The following TTC27 variants were observed in gnomAD, a reference collection of about 807,000 sequenced individuals.
TTC27 encodes the protein tetratricopeptide repeat protein 27.
Under a neutral mutation model 115.9 loss-of-function variants are expected in TTC27, and 79 were observed. The observed-to-expected ratio is 0.68, with a 90% confidence interval of 0.57 to 0.82. The LOEUF is 0.82. TTC27 is among the 40% of genes least tolerant of loss of function. TTC27 has a pLI of 0.00. For synonymous variants in TTC27, 401 were observed against 356.0 expected (o/e 1.13, Z -1.42); for missense variants, 1,054 against 993.1 (o/e 1.06, Z -0.82).
chr2:32,726,403 A>G (rs1668110759), intron 10 of TTC27, among the ~76,000 whole-genome samples: 2 of 152,176 alleles, frequency 1.3e-5, no homozygotes, highest in South Asian at 2.1e-4. Context: ...ACCCTAAATC[A>G]TCTCTCTCAA....
chr2:32,730,610 A>G (rs1407283771), intron 10 of TTC27, among the ~76,000 whole-genome samples: 1 of 147,402 alleles, frequency 6.8e-6, no homozygotes, highest in East Asian at 2.0e-4. Flanking sequence ...TACACCTATC[A>G]AGACTTTCTT....
intron 17 of TTC27, among the ~76,000 whole-genome samples, chr2:32,812,038 C>G (rs767179415): frequency 7.2e-5 from 11 of 152,144 alleles, no homozygotes; most frequent in Non-Finnish European, 1.5e-4. Context: ...TATGGACTTT[C>G]TTGCATATAT....
intron 16 of TTC27, among the ~76,000 whole-genome samples, chr2:32,790,637 A>G (rs1414678963): frequency 4.6e-5 from 7 of 152,264 alleles, no homozygotes; most frequent in African/African-American, 1.4e-4. Context: ...TGTAGTCACT[A>G]TGCTGTGCAG....
At chr2:32,727,857 T>C (rs1668160891) in intron 10 of TTC27, among the ~76,000 whole-genome samples, 1 of 152,086 alleles carries the variant, frequency 6.6e-6, no homozygotes, top group African/African-American at 2.4e-5. Context: ...CTGTTTTTAT[T>C]TCTAATATGA....
intron 3 of TTC27, among the ~76,000 whole-genome samples, chr2:32,639,969 A>G (rs1272683484): frequency 6.6e-6 from 1 of 152,192 alleles, no homozygotes; most frequent in African/African-American, 2.4e-5. Context: ...ACTGCACTCC[A>G]GCCTGGGCAA....
chr2:32,770,707 CTCTGACATTTTAATCA>C (rs1433102627), intron 13 of TTC27, among the ~76,000 whole-genome samples: 1 of 152,168 alleles, frequency 6.6e-6, no homozygotes, highest in East Asian at 1.9e-4. Context: ...TGATACAGTA[CTCTGACATTTTAATCA>C]TCTTAGCGGT....
At chr2:32,716,982 C>T (rs566068316) in intron 10 of TTC27, among the ~76,000 whole-genome samples, 1 of 149,642 alleles carries the variant, frequency 6.7e-6, no homozygotes, top group African/African-American at 2.5e-5. Flanking sequence ...GTGTGAGCCA[C>T]TACACCTGGC....
intron 12 of TTC27, among the ~76,000 whole-genome samples, chr2:32,742,985 C>G (rs1274507538): frequency 6.6e-6 from 1 of 152,130 alleles, no homozygotes; most frequent in Non-Finnish European, 1.5e-5. Context: ...CCTGCTTTTT[C>G]TCCATTCTCT....
At chr2:32,640,468 C>G (rs1664601127) in intron 4 of TTC27, 58 bp downstream of exon 4, 1 of 1,527,350 alleles carries the variant, frequency 6.5e-7, no homozygotes, top group South Asian at 1.2e-5. Context: ...TTATTAACAC[C>G]AGGCTGTAGA....
intron 16 of TTC27, among the ~76,000 whole-genome samples, chr2:32,809,708 T>C (rs1671251935): frequency 6.6e-6 from 1 of 152,218 alleles, no homozygotes; most frequent in Admixed American, 6.5e-5. Context: ...CTAATGTAGA[T>C]ATGACAGATG....
intron 9 of TTC27, among the ~76,000 whole-genome samples, chr2:32,695,545 CCCATCTCTACTAAAAATA>C (rs1666954580): frequency 6.6e-6 from 1 of 151,742 alleles, no homozygotes; most frequent in African/African-American, 2.4e-5. Flanking sequence ...ATGGTGAAAC[CCCATCTCTACTAAAAATA>C]CAAAAAGTAG....
At chr2:32,816,334 G>T (rs774536491) in intron 18 of TTC27, among the ~76,000 whole-genome samples, 7 of 151,252 alleles carry the variant, frequency 4.6e-5, no homozygotes, top group Non-Finnish European at 7.4e-5. Context: ...AAAAAAAATT[G>T]ATTTTCTATC....
At chr2:32,721,709 CAGTGGAATG>C (rs373730223) in intron 10 of TTC27, among the ~76,000 whole-genome samples, 74,655 of 150,446 alleles carry the variant, frequency 0.5, 18,985 homozygotes, top group Middle Eastern at 0.68. Flanking sequence ...CACTGGAGTA[CAGTGGAATG>C]ATTAAGCTCT....
intron 14 of TTC27, 98 bp downstream of exon 14, chr2:32,778,078 G>A: frequency 2.6e-6 from 3 of 1,154,420 alleles, no homozygotes; most frequent in Non-Finnish European, 3.7e-6. Context: ...TTTTGTGTTG[G>A]AGGAAAGTGT....
At chr2:32,703,705 T>A (rs1458880774) in intron 10 of TTC27, among the ~76,000 whole-genome samples, 1 of 152,218 alleles carries the variant, frequency 6.6e-6, no homozygotes, top group Admixed American at 6.5e-5. Context: ...GTCAATAGCA[T>A]TTAGTCTCTT....
At chr2:32,645,505 T>G (rs2151866502) in intron 4 of TTC27, among the ~76,000 whole-genome samples, 1 of 152,322 alleles carries the variant, frequency 6.6e-6, no homozygotes, top group South Asian at 2.1e-4. Context: ...AAGTTCACTT[T>G]TTTATTAATG....
At chr2:32,696,799 T>A (rs1667003176) in intron 9 of TTC27, among the ~76,000 whole-genome samples, 1 of 152,228 alleles carries the variant, frequency 6.6e-6, no homozygotes, top group South Asian at 2.1e-4. Flanking sequence ...ATTTACTTTT[T>A]TCATACAAAG....
intron 4 of TTC27, among the ~76,000 whole-genome samples, chr2:32,643,395 T>C (rs575551581): frequency 1.1e-3 from 165 of 150,650 alleles, no homozygotes; most frequent in African/African-American, 3.8e-3. Flanking sequence ...AACCTCTGCC[T>C]CCTGGGTTCA....
rs769225179 is a variant in TTC27, at chr2:32,664,381, T to C, written c.719T>C (p.Val240Ala). Residue 240 changes from valine (V) to alanine (A), a missense_variant, in exon 6 of 20, where the codon GTG becomes GCG. Transcript: ENST00000317907. ...CAATTCCATCTGGAATGTGCATATG[T>C]GTTTTTATATTATTATGAGTACAGA... ...AIQFHLECAY[V>A]FLYYYEYRKA... 24 of 1,612,746 alleles carry C rather than the reference T, an allele frequency of 1.5e-5. No homozygotes were observed. Among genetic ancestry groups the C allele is most frequent in the Non-Finnish European group, 2.0e-5 (23 of 1,179,442 alleles).
Sources: gnomAD v4.1 joint callset for allele counts (sites outside exome capture counted in the v4.1 genomes callset) on GRCh38, gnomAD v4.1.1 for gene constraint, MANE v1.5 for transcripts, NCBI Gene and HGNC (gene_info 2026-07-23, HGNC 2026-07-21) for gene names.